The following GLIS3 variants were observed in gnomAD, a reference collection of about 807,000 sequenced individuals.
GLIS3 encodes the protein zinc finger protein GLIS3.
A neutral mutation model predicts 78.6 loss-of-function variants in GLIS3; 53 were observed. That is an observed-to-expected ratio of 0.67 (90% CI 0.54 to 0.85). GLIS3 has a LOEUF of 0.85. GLIS3 is among the 40% of genes least tolerant of loss of function. The pLI is 0.00. For synonymous variants in GLIS3, 684 were observed against 509.9 expected (o/e 1.34, Z -4.60); for missense variants, 1,703 against 1,231.1 (o/e 1.38, Z -5.74).
intron 4 of GLIS3, among the ~76,000 whole-genome samples, chr9:3,961,702 C>A (rs1817566933): frequency 6.6e-6 from 1 of 152,188 alleles, no homozygotes; most frequent in Non-Finnish European, 1.5e-5. Context: ...AGTCTACACA[C>A]AAGTCTCTGC....
At chr9:4,464,781 G>C in the GLIS3 span, among the ~76,000 whole-genome samples, 14 of 152,154 alleles carry the variant, frequency 9.2e-5, no homozygotes, top group Admixed American at 6.5e-4. Context: ...GTGGTATATA[G>C]AAGAAGAAAA....
the GLIS3 span, among the ~76,000 whole-genome samples, chr9:4,375,360 A>C: frequency 1.3e-5 from 2 of 152,214 alleles, no homozygotes; most frequent in African/African-American, 4.8e-5. Flanking sequence ...ACAGAGAGAA[A>C]AGGGATATAT....
chr9:4,241,666 C>CT (rs927240834), intron 2 of GLIS3, among the ~76,000 whole-genome samples: 3 of 150,566 alleles, frequency 2.0e-5, no homozygotes, highest in Admixed American at 6.6e-5. Flanking sequence ...CACACTTGTG[C>CT]TTTTTTTGTT....
the GLIS3 span, among the ~76,000 whole-genome samples, chr9:4,415,558 C>G: frequency 1 from 152,180 of 152,304 alleles, 76,028 homozygotes; most frequent in Middle Eastern, 1. Context: ...TTCTCGGCCA[C>G]TTCTCCCATA....
At chr9:4,023,084 A>G (rs1313908226) in intron 4 of GLIS3, among the ~76,000 whole-genome samples, 1 of 152,184 alleles carries the variant, frequency 6.6e-6, no homozygotes, top group Non-Finnish European at 1.5e-5. Flanking sequence ...AAACTTCAAC[A>G]TATTTGAAAA....
intron 2 of GLIS3, among the ~76,000 whole-genome samples, chr9:4,273,705 G>A (rs910325076): frequency 2.0e-5 from 3 of 151,922 alleles, no homozygotes; most frequent in South Asian, 2.1e-4. Context: ...ACCATCTTAC[G>A]TGTGCCAGAG....
chr9:4,188,886 T>C (rs1471568383), intron 2 of GLIS3, among the ~76,000 whole-genome samples: 8 of 152,308 alleles, frequency 5.3e-5, no homozygotes, highest in Admixed American at 2.0e-4. Context: ...CTCTTCTCTC[T>C]TTTTTTCTTT....
At chr9:4,457,182 G>C in the GLIS3 span, among the ~76,000 whole-genome samples, 1 of 151,950 alleles carries the variant, frequency 6.6e-6, no homozygotes, top group Non-Finnish European at 1.5e-5. Context: ...AGGCAATATA[G>C]TGAGACCCTG....
chr9:4,207,061 G>C (rs1819944571), intron 2 of GLIS3, among the ~76,000 whole-genome samples: 3 of 152,150 alleles, frequency 2.0e-5, no homozygotes, highest in Admixed American at 6.5e-5. Flanking sequence ...CCCTAGACCA[G>C]AGGGCCCCTA....
chr9:4,199,241 AC>A (rs1163864782), intron 2 of GLIS3, among the ~76,000 whole-genome samples: 3 of 151,748 alleles, frequency 2.0e-5, no homozygotes, highest in African/African-American at 7.3e-5. Flanking sequence ...ATGGCCTAAA[AC>A]CCCCCACTTA....
intron 6 of GLIS3, among the ~76,000 whole-genome samples, chr9:3,909,335 G>T (rs968749690): frequency 6.6e-6 from 1 of 152,200 alleles, no homozygotes; most frequent in African/African-American, 2.4e-5. Context: ...CCTTAGCACT[G>T]ACATGTAGGA....
At chr9:3,919,681 T>A (rs1824746261) in intron 6 of GLIS3, among the ~76,000 whole-genome samples, 2 of 149,450 alleles carry the variant, frequency 1.3e-5, no homozygotes, top group Admixed American at 6.6e-5. Flanking sequence ...AAAAAAATAA[T>A]AAAATGAAAT....
the GLIS3 span, among the ~76,000 whole-genome samples, chr9:4,407,279 T>C: frequency 9.2e-5 from 14 of 152,208 alleles, no homozygotes; most frequent in Non-Finnish European, 1.8e-4. Flanking sequence ...TCTCACCATA[T>C]ACAAAAATCA....
the GLIS3 span, among the ~76,000 whole-genome samples, chr9:4,354,575 G>A: frequency 5.3e-5 from 8 of 152,130 alleles, no homozygotes; most frequent in African/African-American, 9.7e-5. Context: ...CTCAGTGCAC[G>A]GGATTGTCCC....
At chr9:4,431,191 C>G in the GLIS3 span, among the ~76,000 whole-genome samples, 1 of 152,122 alleles carries the variant, frequency 6.6e-6, no homozygotes, top group Non-Finnish European at 1.5e-5. Flanking sequence ...TTAGAATTTC[C>G]CTTATCCTCT....
the GLIS3 span, among the ~76,000 whole-genome samples, chr9:4,481,771 G>C: frequency 1.3e-5 from 2 of 152,086 alleles, no homozygotes; most frequent in Admixed American, 6.5e-5. Flanking sequence ...AGTTTCTAGA[G>C]GTAGAGTGTT....
At chr9:4,091,258 T>C (rs1180154340) in intron 4 of GLIS3, among the ~76,000 whole-genome samples, 4 of 151,928 alleles carry the variant, frequency 2.6e-5, no homozygotes, top group Non-Finnish European at 5.9e-5. Flanking sequence ...TCCCAGCTAC[T>C]TGGGGGTCTG....
At chr9:3,933,763 T>C (rs1439093925) in intron 5 of GLIS3, among the ~76,000 whole-genome samples, 1 of 152,244 alleles carries the variant, frequency 6.6e-6, no homozygotes, top group Non-Finnish European at 1.5e-5. Context: ...TCTGTTTTTA[T>C]GTGCATGTAT....
chr9:4,267,571 G>A (rs974921457), intron 2 of GLIS3, among the ~76,000 whole-genome samples: 2 of 152,122 alleles, frequency 1.3e-5, no homozygotes, highest in East Asian at 1.9e-4. Flanking sequence ...CTTAGCTACC[G>A]ATAGCACCAC....
Sources: allele counts gnomAD v4.1 joint callset (sites outside exome capture counted in the v4.1 genomes callset), GRCh38; gene constraint gnomAD v4.1.1; transcripts MANE v1.5; gene names NCBI Gene and HGNC (gene_info 2026-07-23, HGNC 2026-07-21).